Variants in PDIA5 observed in about 807,000 individuals in gnomAD.
The protein encoded by PDIA5 is protein disulfide-isomerase A5.
PDIA5 carries 58 observed loss-of-function variants against 77.6 expected under a neutral mutation model. The ratio of observed to expected loss-of-function variants is 0.75; its 90% CI spans 0.61 to 0.93. PDIA5 has a LOEUF of 0.93. Ranked by LOEUF, PDIA5 falls within the 40% of genes least tolerant of loss-of-function variation. The probability of loss-of-function intolerance (pLI) is 0.00; values close to 1 mark genes in which losing one functional copy is unlikely to be tolerated. For synonymous variants in PDIA5, 250 were observed against 252.1 expected, an observed-to-expected ratio of 0.99 and a Z score of 0.08; for missense variants, 630 against 647.7, an observed-to-expected ratio of 0.97 and a Z score of 0.30.
At chr3:123,150,500 G>C in intron 14 of PDIA5, 136 bp downstream of exon 14, 2 of 770,786 alleles carry the variant, frequency 2.6e-6, no homozygotes, top group Non-Finnish European at 4.0e-6. Flanking sequence ...TATGAACCAG[G>C]CTCTCCAATT....
Position 123,162,077 on chromosome 3 carries a change from C to A in PDIA5, c.*117C>A. ...TATAGCCGCTTATGGCCATTTTGTA[C>A]AATTTTGAAATAAAATTAAACCATT... On this transcript the variant is annotated 3_prime_UTR_variant, in exon 17 of 17. Coordinates refer to ENST00000316218, the MANE Select transcript of PDIA5 (RefSeq NM_006810.4). 1 of 699,040 alleles carries A rather than the reference C, an allele frequency of 1.4e-6. No individual in the cohort carries two copies. The allele number at this position is 699,040 out of a possible 1,614,324, so 43.3% of individuals were successfully genotyped here. A position where few individuals can be genotyped will look rare whatever the true frequency, so the allele number is the denominator to read the frequency against.
intron 6 of PDIA5, among the ~76,000 whole-genome samples, chr3:123,107,609 G>A (rs1019918131): frequency 1.3e-5 from 2 of 152,182 alleles, no homozygotes; most frequent in African/African-American, 4.8e-5. Context: ...TGCATCTTTA[G>A]CCATGTGCAT....
Position 123,150,309 on chromosome 3 carries a change from C to T in PDIA5, c.1218C>T (p.Asn406=). The change falls in exon 14 of 17, where the codon AAC becomes AAT. Residue 406 remains asparagine, a synonymous_variant. Coordinates refer to ENST00000316218, the MANE Select transcript of PDIA5 (RefSeq NM_006810.4). ...QTSVLHLVGD[N]FRETLKKKKH... ...GCGTGTTGCACCTGGTGGGGGACAA[C>T]TTCCGGGAGACCCTGAAGAAGAAGA... 3 of 1,613,908 alleles carry T rather than the reference C, an allele frequency of 1.9e-6. No homozygotes were observed. Among genetic ancestry groups the T allele is most frequent in the Non-Finnish European group, 1.7e-6 (2 of 1,179,928 alleles).
At chr3:123,126,234 C>T (rs1161867313) in intron 10 of PDIA5, among the ~76,000 whole-genome samples, 1 of 151,958 alleles carries the variant, frequency 6.6e-6, no homozygotes, top group African/African-American at 2.4e-5. Context: ...CCTCTCGGCA[C>T]ACCCCATCCC....
intron 1 of PDIA5, among the ~76,000 whole-genome samples, chr3:123,071,196 C>A (rs1001443840): frequency 1.3e-5 from 2 of 152,144 alleles, no homozygotes; most frequent in African/African-American, 4.8e-5. Context: ...ACTCAGCCTT[C>A]TCCTTTTATA....
intron 1 of PDIA5, among the ~76,000 whole-genome samples, chr3:123,084,804 T>C (rs1282911667): frequency 6.6e-6 from 1 of 152,232 alleles, no homozygotes; most frequent in Non-Finnish European, 1.5e-5. Context: ...CTGAGGCTTT[T>C]GCATTGATCT....
intron 1 of PDIA5, among the ~76,000 whole-genome samples, chr3:123,072,622 G>C (rs1007616461): frequency 6.6e-6 from 1 of 152,214 alleles, no homozygotes; most frequent in African/African-American, 2.4e-5. Flanking sequence ...GGTAGGGGGG[G>C]TGGTGCAGAA....
rs138143898 is a variant in PDIA5, at chr3:123,161,365, C to G, written c.1389C>G (p.Asp463Glu). 34 of 1,614,086 alleles carry G rather than the reference C, an allele frequency of 2.1e-5. No individual in the cohort carries two copies. Among genetic ancestry groups the G allele is most frequent in the Non-Finnish European group, 2.9e-5 (34 of 1,180,028 alleles). The change falls in exon 16 of 17, where the codon GAC becomes GAG. Residue 463 changes from aspartate (D) to glutamate (E), a missense_variant. By Grantham distance (45) the Asp-to-Glu change is conservative. Transcript: ENST00000316218. The stretch of plus-strand genomic sequence containing the variant: ...ACTGTGTCAAAGACAAGAACCAAGA[C>G]CTGTGCCAGCAGGAGGCGGTCAAGG... Reference protein sequence around the residue: ...AVDCVKDKNQDLCQQEAVKGY... With the variant: ...AVDCVKDKNQELCQQEAVKGY...
chr3:123,141,220 GTC>G (rs1411279594), intron 11 of PDIA5, among the ~76,000 whole-genome samples: 1 of 152,176 alleles, frequency 6.6e-6, no homozygotes. Flanking sequence ...CAGTCCCACT[GTC>G]CATCTTGACC....
Position 123,111,014 on chromosome 3 carries a change from C to A in PDIA5, c.541+10C>A. 6.2e-7 allele frequency: 1 copy of A among 1,608,316 alleles called. No homozygotes were observed. On this transcript the variant is annotated intron_variant, in intron 7 of 16. Coordinates refer to ENST00000316218, the MANE Select transcript of PDIA5 (RefSeq NM_006810.4). ...ATGTTTTATGCCCCCTGTGAGTGAA[C>A]TTTCTCCCTTGGGCCAGAGCTAGTT...
intron 7 of PDIA5, among the ~76,000 whole-genome samples, chr3:123,111,430 T>A (rs1273955085): frequency 6.6e-6 from 1 of 152,204 alleles, no homozygotes; most frequent in Non-Finnish European, 1.5e-5. Context: ...GGCTCCCGCA[T>A]CCTCTGCTGG....
At chr3:123,122,280 A>G (rs1935137642) in intron 8 of PDIA5, among the ~76,000 whole-genome samples, 2 of 151,374 alleles carry the variant, frequency 1.3e-5, no homozygotes, top group African/African-American at 4.9e-5. Context: ...AATTAGGCAG[A>G]AAAAAAAAGG....
intron 6 of PDIA5, 125 bp from the exon 7 acceptor site, chr3:123,110,819 G>T (rs906466974): frequency 6.1e-6 from 5 of 819,908 alleles, no homozygotes; most frequent in East Asian, 4.9e-5. Flanking sequence ...TTTCTGAAGT[G>T]CTCACTCCCC....
In PDIA5 at chr3:123,146,228, A is replaced by T; in HGVS notation, c.1111A>T (p.Thr371Ser). 1 of 1,614,136 alleles carries T rather than the reference A, an allele frequency of 6.2e-7. No individual in the cohort carries two copies. Among genetic ancestry groups the T allele is most frequent in the South Asian group, 1.1e-5 (1 of 91,056 alleles). Residue 371 changes from threonine to serine, a missense_variant, in exon 13 of 17, where the codon ACA (threonine) becomes TCA (serine). Coordinates refer to ENST00000316218, the MANE Select transcript of PDIA5 (RefSeq NM_006810.4). ...GAAATACGCAGTGCCTGTGCTCAGG[A>T]CAAAGAAGAAGTTTCTCGAGTGGAT... The part of the protein sequence containing the change: ...GEKYAVPVLR[T>S]KKKFLEWMQN...
At chr3:123,155,886 C>A (rs1231343823) in intron 15 of PDIA5, among the ~76,000 whole-genome samples, 5 of 152,110 alleles carry the variant, frequency 3.3e-5, no homozygotes, top group Non-Finnish European at 2.9e-5. Context: ...TGGAAGGAAC[C>A]AAGGCCAGGC....
At chr3:123,087,300 CGTT>C (rs1934164643) in intron 1 of PDIA5, among the ~76,000 whole-genome samples, 1 of 152,048 alleles carries the variant, frequency 6.6e-6, no homozygotes, top group Non-Finnish European at 1.5e-5. Context: ...AGGCATGAGA[CGTT>C]GTGCCAGGCT....
At chr3:123,161,617 A>G in intron 16 of PDIA5, 162 bp downstream of exon 16, 1 of 769,814 alleles carries the variant, frequency 1.3e-6, no homozygotes. Context: ...GAGGCTTGAC[A>G]TTGTTGGAGG....
In PDIA5 at chr3:123,124,353, G is replaced by T. The variant is rs1327733109; in HGVS notation, c.773+10G>T. On this transcript the variant is annotated intron_variant, in intron 10 of 16. Transcript: ENST00000316218. Reference sequence around the variant, plus strand: ...TGGAGTGGCTGAAGAAGTAAGTGGGGTGTGTGTGTGTCAGTGGGCGTGGAC... The same window carrying T: ...TGGAGTGGCTGAAGAAGTAAGTGGGTTGTGTGTGTGTCAGTGGGCGTGGAC... The T allele has an allele frequency of 6.4e-6, 10 of 1,564,578 alleles. No individual in the cohort carries two copies. The highest frequency in any genetic ancestry group is 1.7e-5 in the Admixed American group (1 of 59,890).
chr3:123,101,906 C>CTTTT lies in PDIA5; in HGVS notation c.258-487_258-484dup, dbSNP rs71623603. Among the ~76,000 whole-genome samples the CTTTT allele has an allele frequency of 2.8e-4, 20 of 71,394 alleles. 3 individuals carry two copies. The highest frequency in any genetic ancestry group is 7.2e-4 in the South Asian group (1 of 1,394). 46.8% of individuals were successfully genotyped at this position (71,394 alleles called of 152,430 possible). A position where few individuals can be genotyped will look rare whatever the true frequency, so the allele number is the denominator to read the frequency against. ...TCCCCTTCCTTTCCTTTCTTTCTTG[C>CTTTT]TTTTTTTTTTTTTTTTTTTTTGAGA... On this transcript the variant is annotated intron_variant, in intron 3 of 16. Transcript: ENST00000316218.
Sources: gnomAD v4.1 joint callset for allele counts (sites outside exome capture counted in the v4.1 genomes callset) on GRCh38, gnomAD v4.1.1 for gene constraint, MANE v1.5 for transcripts, NCBI Gene and HGNC (gene_info 2026-07-23, HGNC 2026-07-21) for gene names.